DTNB: variants seen among roughly 807,000 people sequenced by gnomAD.
DTNB encodes dystrobrevin beta, also known as DTN-B.
DTNB carries 63 observed loss-of-function variants against 90.7 expected under a neutral mutation model. That is an observed-to-expected ratio of 0.69 (90% CI 0.57 to 0.86). The LOEUF (loss-of-function observed/expected upper bound fraction) is 0.86. Among genes scored for constraint, DTNB ranks in the 40% least tolerant of loss-of-function variants. The probability of loss-of-function intolerance (pLI) is 0.00; values close to 1 mark genes in which losing one functional copy is unlikely to be tolerated. For missense variants in DTNB, 744 were observed against 807.1 expected, an observed-to-expected ratio of 0.92 and a Z score of 0.95; for synonymous variants, 277 against 286.7, an observed-to-expected ratio of 0.97 and a Z score of 0.34.
chr2:25,419,631 T>C, intron 15 of DTNB, 96 bp from the exon 16 acceptor site: 4 of 1,487,544 alleles, frequency 2.7e-6, no homozygotes, highest in South Asian at 1.3e-5. Flanking sequence ...TCAGAAATGA[T>C]AGAAAAATCA....
intron 12 of DTNB, among the ~76,000 whole-genome samples, chr2:25,441,486 G>C (rs2057378079): frequency 6.6e-6 from 1 of 152,162 alleles, no homozygotes; most frequent in East Asian, 1.9e-4. Context: ...GTTTGGTAAA[G>C]TTATGCTGAC....
intron 8 of DTNB, among the ~76,000 whole-genome samples, chr2:25,534,590 G>A (rs1217361460): frequency 1.1e-4 from 16 of 151,214 alleles, no homozygotes; most frequent in East Asian, 5.9e-4. Flanking sequence ...CAGACGGGGC[G>A]GCTGGGCAGA....
intron 6 of DTNB, among the ~76,000 whole-genome samples, chr2:25,592,089 G>A (rs2063699116): frequency 6.8e-6 from 1 of 146,876 alleles, no homozygotes; most frequent in South Asian, 2.2e-4. Context: ...AAAAAAATAT[G>A]CCTACCCAGC....
Position 25,607,339 on chromosome 2 carries a change from T to C in DTNB, c.363-18A>G. 3.2e-6 allele frequency: 5 copies of C among 1,570,340 alleles called. No individual in the cohort carries two copies. The highest frequency in any genetic ancestry group is 3.5e-6 in the Non-Finnish European group (4 of 1,156,890). The stretch of plus-strand genomic sequence containing the variant: ...GGCCCTCACTGCAAAATAAATTATA[T>C]TAGAAATAATTGCTATCTGAAACCA... On this transcript the variant is annotated intron_variant, in intron 4 of 20. Transcript: ENST00000406818.
At chr2:25,580,654 C>G in intron 7 of DTNB, 67 bp downstream of exon 7, 1 of 1,330,010 alleles carries the variant, frequency 7.5e-7, no homozygotes, top group Non-Finnish European at 1.1e-6. Flanking sequence ...TAGCTAAGGA[C>G]ATTGCAAATA....
At chr2:25,564,353 T>C (rs2058696398) in intron 8 of DTNB, among the ~76,000 whole-genome samples, 1 of 152,052 alleles carries the variant, frequency 6.6e-6, no homozygotes, top group African/African-American at 2.4e-5. Flanking sequence ...GAACACAGCA[T>C]GTCTATTTCC....
intron 3 of DTNB, among the ~76,000 whole-genome samples, chr2:25,637,690 A>G (rs984774515): frequency 2.0e-5 from 3 of 152,232 alleles, no homozygotes; most frequent in Non-Finnish European, 4.4e-5. Context: ...AATGGCAATC[A>G]TTAAAAAGTC....
At chr2:25,499,166 G>C (rs1225716137) in intron 9 of DTNB, among the ~76,000 whole-genome samples, 1 of 149,088 alleles carries the variant, frequency 6.7e-6, no homozygotes, top group East Asian at 2.0e-4. Flanking sequence ...GCACTCAGTC[G>C]AGATCGTGTC....
chr2:25,515,931 ACT>A (rs1398326843), intron 9 of DTNB, among the ~76,000 whole-genome samples: 2 of 152,212 alleles, frequency 1.3e-5, no homozygotes, highest in South Asian at 2.1e-4. Flanking sequence ...GTGTACAGAA[ACT>A]CTGTCCTATT....
At chr2:25,426,978 C>A (rs575502754) in intron 15 of DTNB, among the ~76,000 whole-genome samples, 2 of 152,216 alleles carry the variant, frequency 1.3e-5, no homozygotes, top group African/African-American at 4.8e-5. Context: ...GAGTTTGAGA[C>A]CAGCCTGGCC....
chr2:25,661,678 G>A (rs1171755437), intron 1 of DTNB, among the ~76,000 whole-genome samples: 1 of 152,078 alleles, frequency 6.6e-6, no homozygotes, highest in East Asian at 1.9e-4. Flanking sequence ...GATTTTTTTA[G>A]TATCTGTTTA....
At chr2:25,616,952 A>AAAAG (rs58567845) in intron 4 of DTNB, among the ~76,000 whole-genome samples, 1 of 104,614 alleles carries the variant, frequency 9.6e-6, no homozygotes, top group Non-Finnish European at 1.9e-5. Context: ...AAAAAAAAAA[A>AAAAG]GGAAAAAAAA....
intron 1 of DTNB, among the ~76,000 whole-genome samples, chr2:25,672,403 T>G (rs1235974007): frequency 1.3e-5 from 2 of 152,004 alleles, no homozygotes; most frequent in Admixed American, 1.3e-4. Context: ...ATTCTGAAGA[T>G]TTAGCAGTCA....
chr2:25,570,685 AAC>A (rs1267594137), intron 8 of DTNB, among the ~76,000 whole-genome samples: 2 of 152,134 alleles, frequency 1.3e-5, no homozygotes, highest in Non-Finnish European at 2.9e-5. Context: ...TGTTTTCCAG[AAC>A]ACACACTCTC....
Position 25,531,510 on chromosome 2 carries a change from C to T in DTNB, c.964G>A (p.Glu322Lys). ...TREPPHPVFPEQPEKPLDLAH... is the reference protein window; with the variant it reads ...TREPPHPVFPKQPEKPLDLAH... The stretch of plus-strand genomic sequence containing the variant: ...AGGTCAAGTGGTTTCTCTGGTTGCT[C>T]AGGAAAAACAGGATGCGGGGGTTCT... Residue 322 changes from glutamate to lysine, a missense_variant, in exon 9 of 21, where the codon GAG becomes AAG. Glu to Lys is a moderately conservative substitution (Grantham distance 56). Transcript: ENST00000406818. 6.2e-7 allele frequency: 1 copy of T among 1,613,924 alleles called. No homozygotes were observed. Among genetic ancestry groups the T allele is most frequent in the Non-Finnish European group, 8.5e-7 (1 of 1,179,872 alleles).
At chr2:25,601,970 A>C (rs913605147) in intron 5 of DTNB, among the ~76,000 whole-genome samples, 1 of 151,900 alleles carries the variant, frequency 6.6e-6, no homozygotes, top group Non-Finnish European at 1.5e-5. Context: ...GAAAATACAA[A>C]AATTAGTCAG....
intron 10 of DTNB, 82 bp from the exon 11 acceptor site, chr2:25,455,576 A>G: frequency 8.3e-7 from 1 of 1,205,322 alleles, no homozygotes; most frequent in East Asian, 2.6e-5. Context: ...AAATGAGCAA[A>G]CTTCAAAGAA....
intron 16 of DTNB, among the ~76,000 whole-genome samples, chr2:25,414,787 C>T (rs1046277015): frequency 1.3e-5 from 2 of 151,932 alleles, no homozygotes; most frequent in Admixed American, 6.6e-5. Context: ...GGGCTACAGG[C>T]GGGGGATGTA....
At chr2:25,389,583 C>T (rs563010193) in intron 16 of DTNB, among the ~76,000 whole-genome samples, 33 of 152,264 alleles carry the variant, frequency 2.2e-4, no homozygotes, top group Middle Eastern at 3.4e-3. Context: ...TTCAGCACAA[C>T]GGGAACTGAG....
Sources: gnomAD v4.1 joint callset for allele counts (sites outside exome capture counted in the v4.1 genomes callset) on GRCh38, gnomAD v4.1.1 for gene constraint, MANE v1.5 for transcripts, NCBI Gene and HGNC (gene_info 2026-07-23, HGNC 2026-07-21) for gene names.